Variants in RBMS3 observed in about 807,000 individuals in gnomAD.
The protein encoded by RBMS3 is RNA binding motif single stranded interacting protein 3.
A neutral mutation model predicts 66.8 loss-of-function variants in RBMS3; 27 were observed. The observed-to-expected ratio is 0.40, with a 90% CI of 0.30 to 0.56. The LOEUF (loss-of-function observed/expected upper bound fraction) is 0.56, where lower values mean the gene tolerates loss of function less well. Ranked by LOEUF, RBMS3 falls within the 20% of genes least tolerant of loss-of-function variation. The pLI, the probability that RBMS3 is intolerant of heterozygous loss-of-function variation, is 0.40. For missense variants in RBMS3, 513 were observed against 549.5 expected, an observed-to-expected ratio of 0.93 and a Z score of 0.66; for synonymous variants, 188 against 183.0, an observed-to-expected ratio of 1.03 and a Z score of -0.22.
At chr3:29,488,301 C>G (rs1315520478) in intron 2 of RBMS3, 140 bp from the exon 3 acceptor site, 1 of 607,104 alleles carries the variant, frequency 1.6e-6, no homozygotes, top group Non-Finnish European at 2.9e-6. Context: ...GGACATCATC[C>G]AGGTGTGAAA....
chr3:29,765,446 C>T (rs1368767230), intron 6 of RBMS3, among the ~76,000 whole-genome samples: 3 of 151,814 alleles, frequency 2.0e-5, no homozygotes, highest in Non-Finnish European at 4.4e-5. Flanking sequence ...GAGAGTGTGT[C>T]TTTGCTTGTG....
intron 12 of RBMS3, among the ~76,000 whole-genome samples, chr3:29,985,908 G>A (rs1432784319): frequency 6.6e-6 from 1 of 152,196 alleles, no homozygotes; most frequent in East Asian, 1.9e-4. Flanking sequence ...GAACATTGCT[G>A]TATATGGCCA....
At chr3:29,363,012 A>G (rs1416302465) in intron 1 of RBMS3, among the ~76,000 whole-genome samples, 1 of 152,150 alleles carries the variant, frequency 6.6e-6, no homozygotes, top group African/African-American at 2.4e-5. Flanking sequence ...TGCCCCTCTC[A>G]TCTGTCCATA....
At chr3:29,553,494 T>G (rs543221274) in intron 3 of RBMS3, among the ~76,000 whole-genome samples, 2 of 152,184 alleles carry the variant, frequency 1.3e-5, no homozygotes, top group Non-Finnish European at 2.9e-5. Flanking sequence ...GATGAGTCCT[T>G]GAATGCAAGA....
At chr3:29,595,434 GA>G (rs1318342659) in intron 4 of RBMS3, among the ~76,000 whole-genome samples, 4 of 145,448 alleles carry the variant, frequency 2.8e-5, no homozygotes, top group African/African-American at 1.0e-4. Flanking sequence ...AGAAAGAAAA[GA>G]AACATCAACA....
At chr3:29,872,582 T>G (rs2059518289) in intron 7 of RBMS3, among the ~76,000 whole-genome samples, 1 of 152,184 alleles carries the variant, frequency 6.6e-6, no homozygotes. Flanking sequence ...AAGGCTGATG[T>G]TCACTTCCAT....
chr3:29,838,329 A>G (rs1320186397), intron 6 of RBMS3, among the ~76,000 whole-genome samples: 1 of 152,010 alleles, frequency 6.6e-6, no homozygotes, highest in Non-Finnish European at 1.5e-5. Context: ...ATAGAGTGAG[A>G]CCCTGTCCAA....
At chr3:29,823,710 T>C (rs923497772) in intron 6 of RBMS3, among the ~76,000 whole-genome samples, 1 of 152,196 alleles carries the variant, frequency 6.6e-6, no homozygotes, top group African/African-American at 2.4e-5. Context: ...GGTTAGTGGC[T>C]ACTATATTAG....
At chr3:29,995,828 G>T (rs935864823) in intron 14 of RBMS3, among the ~76,000 whole-genome samples, 4 of 152,192 alleles carry the variant, frequency 2.6e-5, no homozygotes, top group African/African-American at 9.6e-5. Flanking sequence ...AAAATGTAAA[G>T]ACCATCAAGA....
At chr3:29,597,916 G>A (rs982718027) in intron 4 of RBMS3, among the ~76,000 whole-genome samples, 1 of 151,930 alleles carries the variant, frequency 6.6e-6, no homozygotes, top group Non-Finnish European at 1.5e-5. Flanking sequence ...GTCTTCCCTG[G>A]TGTTCATATT....
intron 1 of RBMS3, among the ~76,000 whole-genome samples, chr3:29,431,840 C>T (rs2041219891): frequency 6.6e-6 from 1 of 152,116 alleles, no homozygotes; most frequent in Non-Finnish European, 1.5e-5. Context: ...AACCTCCCAC[C>T]TCGGCCTCCT....
At chr3:29,438,928 T>A (rs1464940636) in intron 2 of RBMS3, among the ~76,000 whole-genome samples, 1 of 152,212 alleles carries the variant, frequency 6.6e-6, no homozygotes, top group African/African-American at 2.4e-5. Context: ...ACAGATTTTT[T>A]AGCACAAGAT....
chr3:29,890,196 A>G (rs1466415410), intron 8 of RBMS3, among the ~76,000 whole-genome samples: 1 of 151,628 alleles, frequency 6.6e-6, no homozygotes, highest in Non-Finnish European at 1.5e-5. Context: ...CAGTAGTAGG[A>G]CACCAGTAGA....
At chr3:29,776,992 T>C (rs1205875075) in intron 6 of RBMS3, among the ~76,000 whole-genome samples, 1 of 151,924 alleles carries the variant, frequency 6.6e-6, no homozygotes, top group Non-Finnish European at 1.5e-5. Context: ...CCATTTATTA[T>C]GGGACCATGG....
At chr3:29,645,660 A>AAGTC (rs1420039318) in intron 4 of RBMS3, among the ~76,000 whole-genome samples, 1 of 152,108 alleles carries the variant, frequency 6.6e-6, no homozygotes, top group Non-Finnish European at 1.5e-5. Flanking sequence ...TTCTTTTAAA[A>AAGTC]AGTCAGCTTC....
intron 14 of RBMS3, among the ~76,000 whole-genome samples, chr3:29,999,082 C>T (rs1046093082): frequency 1.3e-5 from 2 of 151,988 alleles, no homozygotes; most frequent in Non-Finnish European, 2.9e-5. Flanking sequence ...AACAAAAAAC[C>T]CCATCAAAAA....
At chr3:29,311,525 G>C (rs2034373791) in intron 1 of RBMS3, among the ~76,000 whole-genome samples, 1 of 151,758 alleles carries the variant, frequency 6.6e-6, no homozygotes, top group African/African-American at 2.4e-5. Flanking sequence ...ATTATGCTAG[G>C]AGATATGTGA....
intron 4 of RBMS3, among the ~76,000 whole-genome samples, chr3:29,623,182 GT>G (rs1576380910): frequency 1.5e-5 from 2 of 130,252 alleles, no homozygotes; most frequent in African/African-American, 2.9e-5. Context: ...GGGGGGGGGG[GT>G]CTAAATTATT....
intron 4 of RBMS3, among the ~76,000 whole-genome samples, chr3:29,662,314 C>G (rs1301233947): frequency 2.1e-4 from 32 of 152,054 alleles, no homozygotes; most frequent in African/African-American, 2.4e-5. Context: ...AAGAACCATT[C>G]TATATTACCT....
Sources: allele counts gnomAD v4.1 joint callset (sites outside exome capture counted in the v4.1 genomes callset), GRCh38; gene constraint gnomAD v4.1.1; transcripts MANE v1.5; gene names NCBI Gene and HGNC (gene_info 2026-07-23, HGNC 2026-07-21).